DMC1: variants seen among roughly 807,000 people sequenced by gnomAD.
DMC1 encodes meiotic recombination protein DMC1 homolog.
A neutral mutation model predicts 50.1 loss-of-function variants in DMC1; 27 were observed. The observed-to-expected ratio is 0.54, with a 90% CI of 0.40 to 0.74. The LOEUF (loss-of-function observed/expected upper bound fraction) is 0.74. Among genes scored for constraint, DMC1 ranks in the 30% least tolerant of loss-of-function variants. The probability of loss-of-function intolerance (pLI) is 0.00; values close to 1 mark genes in which losing one functional copy is unlikely to be tolerated. For missense variants in DMC1, 295 were observed against 420.2 expected, an observed-to-expected ratio of 0.70 and a Z score of 2.60; for synonymous variants, 148 against 136.1, an observed-to-expected ratio of 1.09 and a Z score of -0.61.
Position 38,519,722 on chromosome 22 carries a change from C to T in DMC1, c.*298G>A. 2.7e-6 allele frequency: 1 copy of T among 371,224 alleles called. No homozygotes were observed. Among genetic ancestry groups the T allele is most frequent in the East Asian group, 6.5e-5 (1 of 15,466 alleles). 23.0% of individuals were successfully genotyped at this position (371,224 alleles called of 1,614,324 possible). Reference sequence around the variant, plus strand: ...AACTAGTTTTCCATAGGTATATATACATACACAGAGTGAGAGAATTTCAAT... The same window carrying T: ...AACTAGTTTTCCATAGGTATATATATATACACAGAGTGAGAGAATTTCAAT... On this transcript the variant is annotated 3_prime_UTR_variant, in exon 14 of 14. Transcript: ENST00000216024.
intron 11 of DMC1, 134 bp downstream of exon 11, chr22:38,538,161 C>CA (rs2090236871): frequency 1.4e-6 from 1 of 722,294 alleles, no homozygotes; most frequent in South Asian, 1.7e-5. Flanking sequence ...AAAAAAAAAA[C>CA]AAAGAGTTGT....
intron 12 of DMC1, among the ~76,000 whole-genome samples, chr22:38,537,238 G>T (rs2090223859): frequency 1.3e-5 from 2 of 151,640 alleles, no homozygotes; most frequent in Non-Finnish European, 2.9e-5. Context: ...TTTTGAGATA[G>T]AATCTTGCTC....
At chr22:38,536,504 CA>C (rs1228323824) in intron 12 of DMC1, among the ~76,000 whole-genome samples, 1 of 152,172 alleles carries the variant, frequency 6.6e-6, no homozygotes, top group African/African-American at 2.4e-5. Context: ...AACACTTCAA[CA>C]AATTCTGAAT....
At chr22:38,514,246 CTTTTTTTTTTT>C (rs142872124), downstream of DMC1, among the ~76,000 whole-genome samples, 10 of 71,334 alleles carry the variant, frequency 1.4e-4, no homozygotes, top group Admixed American at 4.7e-4. Flanking sequence ...GTTAGGTATT[CTTTTTTTTTTT>C]TTTTTTTTTT....
intron 6 of DMC1, 152 bp downstream of exon 6, chr22:38,555,205 T>C (rs992820281): frequency 5.1e-6 from 3 of 592,062 alleles, no homozygotes; most frequent in Admixed American, 3.0e-5. Context: ...TACAGAATGA[T>C]CTCATGTTAT....
intron 4 of DMC1, among the ~76,000 whole-genome samples, chr22:38,562,770 C>CATACAT (rs1569170760): frequency 1.3e-5 from 2 of 151,716 alleles, no homozygotes; most frequent in African/African-American, 4.8e-5. Context: ...CACATATATA[C>CATACAT]ATATATGTGT....
intron 3 of DMC1, 60 bp from the exon 4 acceptor site, chr22:38,566,796 A>G: frequency 6.5e-7 from 1 of 1,544,266 alleles, no homozygotes; most frequent in Non-Finnish European, 8.9e-7. Flanking sequence ...AGGCTCCCAT[A>G]CTATGTCATG....
downstream of DMC1, among the ~76,000 whole-genome samples, chr22:38,516,905 A>G (rs971366908): frequency 2.0e-5 from 3 of 152,116 alleles, no homozygotes; most frequent in African/African-American, 7.2e-5. Flanking sequence ...GGCTCATTGC[A>G]GCCTCGACTT....
Position 38,519,358 on chromosome 22 carries a change from A to T in DMC1, c.*662T>A, listed in dbSNP as rs1045268672. The T allele has an allele frequency of 2.6e-5, 4 of 152,660 alleles. No individual in the cohort carries two copies. The highest frequency in any genetic ancestry group is 9.7e-5 in the African/African-American group (4 of 41,450). 9.5% of individuals were successfully genotyped at this position (152,660 alleles called of 1,614,324 possible). ...ATTACAGGTGTGAGCCACCACGCCC[A>T]GCCATAAATACATTTTTTAAAAGTA... On this transcript the variant is annotated 3_prime_UTR_variant, in exon 14 of 14. Transcript: ENST00000216024.
chr22:38,523,056 C>T (rs1223230545), intron 12 of DMC1, among the ~76,000 whole-genome samples: 1 of 152,134 alleles, frequency 6.6e-6, no homozygotes, highest in African/African-American at 2.4e-5. Context: ...CTAGCCTGGG[C>T]ACCATAGTGA....
chr22:38,521,063 G>T (rs370400232), intron 13 of DMC1, among the ~76,000 whole-genome samples: 3 of 152,062 alleles, frequency 2.0e-5, no homozygotes, highest in Non-Finnish European at 4.4e-5. Context: ...AATTAAACAC[G>T]TAAAGTGCTG....
At chr22:38,555,791 AGAATT>A (rs2090463128) in intron 5 of DMC1, among the ~76,000 whole-genome samples, 1 of 151,966 alleles carries the variant, frequency 6.6e-6, no homozygotes, top group East Asian at 1.9e-4. Flanking sequence ...ACTAGTCTTT[AGAATT>A]GAATTGGAGT....
intron 12 of DMC1, among the ~76,000 whole-genome samples, chr22:38,535,161 T>C (rs1439622663): frequency 6.8e-6 from 1 of 146,500 alleles, no homozygotes; most frequent in Non-Finnish European, 1.5e-5. Context: ...TAGCCGGGTG[T>C]GGTGGTAGGT....
In DMC1 at chr22:38,537,594, C is replaced by T; in HGVS notation, c.834G>A (p.Met278Ile). The change falls in exon 12 of 14, where the codon ATG becomes ATA. Residue 278 changes from methionine (M) to isoleucine (I), a missense_variant and splice_region_variant. Transcript: ENST00000216024. ...NQMTADPGAT[M>I]TFQADPKKPI... ...AAAAGTAGAATATTGGGGCTTACGT[C>T]ATAGTTGCTCCTGGATCGGCAGTCA... 6.2e-7 allele frequency: 1 copy of T among 1,613,346 alleles called. No homozygotes were observed. Among genetic ancestry groups the T allele is most frequent in the Non-Finnish European group, 8.5e-7 (1 of 1,179,342 alleles).
chr22:38,557,953 G>GTTTTTTTTTTTTTTTT (rs1555940699), intron 5 of DMC1, among the ~76,000 whole-genome samples: 2 of 94,978 alleles, frequency 2.1e-5, no homozygotes, highest in Non-Finnish European at 4.3e-5. Flanking sequence ...ATTAGACAAA[G>GTTTTTTTTTTTTTTTT]TTCTTTTTTT....
At chr22:38,514,246 C>CTTTT (rs142872124), downstream of DMC1, among the ~76,000 whole-genome samples, 7 of 71,336 alleles carry the variant, frequency 9.8e-5, no homozygotes, top group East Asian at 4.7e-4. Flanking sequence ...GTTAGGTATT[C>CTTTT]TTTTTTTTTT....
At chr22:38,541,812 A>C (rs2090284027) in intron 8 of DMC1, among the ~76,000 whole-genome samples, 1 of 152,034 alleles carries the variant, frequency 6.6e-6, no homozygotes, top group Non-Finnish European at 1.5e-5. Flanking sequence ...TTGGGCTTAA[A>C]TCCTCAACAA....
intron 13 of DMC1, 107 bp downstream of exon 13, chr22:38,521,501 T>G: frequency 3.9e-6 from 3 of 764,110 alleles, no homozygotes; most frequent in Non-Finnish European, 4.4e-6. Flanking sequence ...CCTAGGAGTT[T>G]GAGACCAGCT....
At position 38,566,882 on chromosome 22, in the gene DMC1, G is replaced by A. The variant is rs1369597248; in HGVS notation, c.97-146C>T. On this transcript the variant is annotated intron_variant, in intron 3 of 13. Coordinates refer to ENST00000216024, the MANE Select transcript of DMC1 (RefSeq NM_007068.4). ...CCAGGTGGAACCCACCCACCATGTA[G>A]CCAAATGTTCTGGAAATATCTGAGT... 9.0e-6 allele frequency: 7 copies of A among 776,522 alleles called. No individual in the cohort carries two copies. The Admixed American group carries it at 1.2e-4, about 14-fold the overall frequency. 48.1% of individuals were successfully genotyped at this position (776,522 alleles called of 1,614,324 possible).
Sources: allele counts gnomAD v4.1 joint callset (sites outside exome capture counted in the v4.1 genomes callset), GRCh38; gene constraint gnomAD v4.1.1; transcripts MANE v1.5; gene names NCBI Gene and HGNC (gene_info 2026-07-23, HGNC 2026-07-21).